Variants in ANKRD42 observed in about 807,000 individuals in gnomAD.
The protein encoded by ANKRD42 is ankyrin repeat domain-containing protein 42.
In ANKRD42, 43 loss-of-function variants were observed where a neutral mutation model predicts 51.5. The observed-to-expected ratio is 0.83, with a 90% CI of 0.65 to 1.08. The LOEUF (loss-of-function observed/expected upper bound fraction) is 1.08, where lower values mean the gene tolerates loss of function less well. ANKRD42 is among the 50% of genes least tolerant of loss of function. The pLI is 0.00. For synonymous variants in ANKRD42, 203 were observed against 213.0 expected (o/e 0.95, Z 0.41); for missense variants, 608 against 629.3 (o/e 0.97, Z 0.36).
At chr11:83,247,855 A>T in intron 10 of ANKRD42, 88 bp from the exon 11 acceptor site, 1 of 1,140,374 alleles carries the variant, frequency 8.8e-7, no homozygotes, top group Non-Finnish European at 1.2e-6. Flanking sequence ...TATTTGCCTT[A>T]AATACAATGT....
chr11:83,237,228 A>T (rs1430101949), intron 8 of ANKRD42, among the ~76,000 whole-genome samples: 1 of 152,208 alleles, frequency 6.6e-6, no homozygotes, highest in Non-Finnish European at 1.5e-5. Flanking sequence ...TCTAATCATT[A>T]TACTGTATTA....
downstream of ANKRD42, among the ~76,000 whole-genome samples, chr11:83,258,816 TTG>T (rs1863819506): frequency 6.6e-6 from 1 of 152,132 alleles, no homozygotes; most frequent in African/African-American, 2.4e-5. Context: ...AAGCTTTTAA[TTG>T]TTTTTCCAAT....
intron 3 of ANKRD42, among the ~76,000 whole-genome samples, chr11:83,208,880 G>T (rs902771378): frequency 6.6e-6 from 1 of 151,994 alleles, no homozygotes; most frequent in East Asian, 1.9e-4. Context: ...TCCTGGGCTC[G>T]AGTGATCCTT....
rs779573740 is a variant in ANKRD42 at position 83,211,291 on chromosome 11, C to G, written c.451-4C>G. The G allele has an allele frequency of 6.2e-7, 1 of 1,613,980 alleles. No homozygotes were observed. Among genetic ancestry groups the G allele is most frequent in the African/African-American group, 1.3e-5 (1 of 74,914 alleles). On this transcript the variant is annotated splice_region_variant and splice_polypyrimidine_tract_variant and intron_variant, in intron 4 of 10. Coordinates refer to ENST00000533342, the MANE Select transcript of ANKRD42 (RefSeq NM_001300975.2). ...AACTAAGTCCTTGTGAATGTTACCTCTAGGATCCCAGTGTGACTGATAAGA... is the reference window on the plus strand; with the variant it reads ...AACTAAGTCCTTGTGAATGTTACCTGTAGGATCCCAGTGTGACTGATAAGA...
Position 83,223,958 on chromosome 11 carries a change from T to G in ANKRD42, c.587-897T>G, listed in dbSNP as rs184754720. On this transcript the variant is annotated intron_variant, in intron 5 of 10. Transcript: ENST00000533342. ...CCAGATTCATTCCTTTTTTTTTTTT[T>G]TTGCATGAAGTTTTAGGTTATGGCT... 2.2e-3 allele frequency among the ~76,000 whole-genome samples: 329 copies of G among 152,218 alleles called. 3 individuals are homozygous for G. Among genetic ancestry groups the G allele is most frequent in the Admixed American group, 0.02 (299 of 15,282 alleles).
rs939088297 is a variant in ANKRD42, at chr11:83,248,526, A to C, written c.*322A>C. 2.7e-5 allele frequency: 27 copies of C among 1,013,982 alleles called. No homozygotes were observed. The highest frequency in any genetic ancestry group is 2.9e-5 in the Non-Finnish European group (25 of 848,716). The allele number at this position is 1,013,982 out of a possible 1,614,324, so 62.8% of individuals were successfully genotyped here. A position where few individuals can be genotyped will look rare whatever the true frequency, so the allele number is the denominator to read the frequency against. On this transcript the variant is annotated 3_prime_UTR_variant, in exon 11 of 11. Transcript: ENST00000533342. ...TTTTAATATTCTAAATAACCAAAATAAAGTGCTTTGAATGGAATCCATATT... is the reference window on the plus strand; with the variant it reads ...TTTTAATATTCTAAATAACCAAAATCAAGTGCTTTGAATGGAATCCATATT...
At chr11:83,194,762 C>A in intron 1 of ANKRD42, 34 bp downstream of exon 1, 6 of 1,536,090 alleles carry the variant, frequency 3.9e-6, no homozygotes, top group Non-Finnish European at 3.5e-6. Flanking sequence ...TCATCTCTGT[C>A]GTATTCCTTT....
chr11:83,227,700 G>T, intron 6 of ANKRD42, 47 bp from the exon 7 acceptor site: 1 of 1,562,230 alleles, frequency 6.4e-7, no homozygotes. Flanking sequence ...ACAGGGAAAA[G>T]AATAAACTCT....
chr11:83,258,390 A>G (rs1863808942), downstream of ANKRD42, among the ~76,000 whole-genome samples: 1 of 152,200 alleles, frequency 6.6e-6, no homozygotes, highest in African/African-American at 2.4e-5. Context: ...TTTTGTTCCT[A>G]TGACTTAGTA....
intron 2 of ANKRD42, among the ~76,000 whole-genome samples, chr11:83,201,856 T>A (rs1365960114): frequency 2.0e-5 from 3 of 152,148 alleles, no homozygotes; most frequent in Non-Finnish European, 2.9e-5. Flanking sequence ...TGTTTTTTTC[T>A]TATAAATTTA....
chr11:83,239,178 G>A (rs1031151334), intron 8 of ANKRD42, among the ~76,000 whole-genome samples: 8 of 152,024 alleles, frequency 5.3e-5, no homozygotes, highest in African/African-American at 1.7e-4. Context: ...ATGATTTTGA[G>A]CATCTTTTAA....
At chr11:83,222,767 T>G (rs1402925620) in intron 5 of ANKRD42, among the ~76,000 whole-genome samples, 1 of 152,120 alleles carries the variant, frequency 6.6e-6, no homozygotes, top group South Asian at 2.1e-4. Flanking sequence ...TTAGAGGGTT[T>G]GTTTGTTTTT....
At chr11:83,208,354 C>CGT (rs927512299) in intron 3 of ANKRD42, among the ~76,000 whole-genome samples, 1 of 150,082 alleles carries the variant, frequency 6.7e-6, no homozygotes, top group Non-Finnish European at 1.5e-5. Flanking sequence ...TTTTTATATA[C>CGT]GTGTGTGTGT....
chr11:83,215,048 A>C (rs1862478638), intron 5 of ANKRD42: 1 of 152,196 alleles, frequency 6.6e-6, no homozygotes, highest in African/African-American at 2.4e-5. Context: ...ATCTTGTGGC[A>C]CTGACAGTAT....
chr11:83,194,629 G>A lies in ANKRD42; in HGVS notation c.-42G>A. The A allele has an allele frequency of 6.2e-7, 1 of 1,606,536 alleles. No homozygotes were observed. Among genetic ancestry groups the A allele is most frequent in the Non-Finnish European group, 8.5e-7 (1 of 1,174,476 alleles). ...AAGTGAAGACCGCCGCAGCATCAGG[G>A]GCCTGGACTCAACTCCTCCCCAGAG... On this transcript the variant is annotated 5_prime_UTR_variant, in exon 1 of 11. Coordinates refer to ENST00000533342, the MANE Select transcript of ANKRD42 (RefSeq NM_001300975.2).
intron 3 of ANKRD42, among the ~76,000 whole-genome samples, chr11:83,206,862 G>A (rs1862096359): frequency 1.3e-5 from 2 of 152,128 alleles, no homozygotes; most frequent in African/African-American, 4.8e-5. Flanking sequence ...ATTAATATAT[G>A]GTAGGATCTA....
chr11:83,197,693 C>CTTAG (rs1276066949), intron 1 of ANKRD42, among the ~76,000 whole-genome samples: 1 of 152,158 alleles, frequency 6.6e-6, no homozygotes, highest in African/African-American at 2.4e-5. Context: ...TCTGTTCGTG[C>CTTAG]TTAGATACCT....
intron 8 of ANKRD42, among the ~76,000 whole-genome samples, chr11:83,237,927 T>C (rs998785440): frequency 6.6e-6 from 1 of 152,238 alleles, no homozygotes; most frequent in African/African-American, 2.4e-5. Context: ...ATCTGCTTCC[T>C]GTCACTGTAG....
intron 5 of ANKRD42, among the ~76,000 whole-genome samples, chr11:83,223,559 C>T (rs1009892570): frequency 3.3e-5 from 5 of 151,800 alleles, no homozygotes; most frequent in African/African-American, 9.7e-5. Flanking sequence ...TTAACCGAGA[C>T]GGGGAGATAA....
Sources: allele counts gnomAD v4.1 joint callset (sites outside exome capture counted in the v4.1 genomes callset), GRCh38; gene constraint gnomAD v4.1.1; transcripts MANE v1.5; gene names NCBI Gene and HGNC (gene_info 2026-07-23, HGNC 2026-07-21).